KCNN2: variants seen among roughly 807,000 people sequenced by gnomAD.
KCNN2 encodes the protein small conductance calcium-activated potassium channel protein 2.
A neutral mutation model predicts 55.5 loss-of-function variants in KCNN2; 24 were observed. The observed-to-expected ratio is 0.43, with a 90% CI of 0.31 to 0.61. KCNN2 has a LOEUF of 0.61. Ranked by LOEUF, KCNN2 falls within the 20% of genes least tolerant of loss-of-function variation. The probability of loss-of-function intolerance (pLI) is 0.08; values close to 1 mark genes in which losing one functional copy is unlikely to be tolerated. For missense variants in KCNN2, 754 were observed against 853.6 expected (o/e 0.88, Z 1.45); for synonymous variants, 431 against 336.1 (o/e 1.28, Z -3.09).
At chr5:114,123,630 TGGG>T (rs1751871401) in intron 1 of KCNN2, among the ~76,000 whole-genome samples, 2 of 149,534 alleles carry the variant, frequency 1.3e-5, no homozygotes, top group African/African-American at 2.5e-5. Flanking sequence ...CCCAAAGTGC[TGGG>T]ATTACAGGCG....
intron 2 of KCNN2, among the ~76,000 whole-genome samples, chr5:114,333,209 G>A (rs1321513719): frequency 2.0e-5 from 3 of 152,274 alleles, no homozygotes; most frequent in South Asian, 2.1e-4. Context: ...GATAAAACAC[G>A]GGAGCCGGGA....
chr5:114,434,562 A>G (rs1385399466), intron 3 of KCNN2, among the ~76,000 whole-genome samples: 1 of 152,206 alleles, frequency 6.6e-6, no homozygotes, highest in Non-Finnish European at 1.5e-5. Context: ...TACTGGGTAA[A>G]AGGAGCTGGG....
rs143276885 is a variant in KCNN2, at chr5:114,136,262, A to G, written c.-271+79762A>G. The stretch of plus-strand genomic sequence containing the variant: ...CTATTATCATGGGAGTGGGGTTGCT[A>G]TATCTTGAGAGTGGGTGGTTAGAAC... On this transcript the variant is annotated intron_variant, in intron 1 of 10. Coordinates refer to the KCNN2 transcript ENST00000512097. Among the ~76,000 whole-genome samples, 14 of 152,254 alleles carry G rather than the reference A, an allele frequency of 9.2e-5. No homozygotes were observed. In the East Asian group the frequency reaches 2.1e-3, roughly 23 times the overall value.
chr5:114,153,883 G>T (rs866615660), intron 1 of KCNN2, among the ~76,000 whole-genome samples: 1 of 152,158 alleles, frequency 6.6e-6, no homozygotes, highest in African/African-American at 2.4e-5. Flanking sequence ...TCCCTTGGAG[G>T]TTTAGTTGGT....
intron 1 of KCNN2, among the ~76,000 whole-genome samples, chr5:114,168,139 A>T (rs1752956129): frequency 6.8e-6 from 1 of 146,586 alleles, no homozygotes; most frequent in South Asian, 2.2e-4. Context: ...ATATGTGTGT[A>T]TATAGATATA....
intron 1 of KCNN2, among the ~76,000 whole-genome samples, chr5:114,206,300 T>G (rs1753766319): frequency 1.3e-5 from 2 of 152,168 alleles, no homozygotes; most frequent in South Asian, 4.1e-4. Flanking sequence ...CTTAAACATT[T>G]CCTTCTTCTT....
chr5:114,479,597 G>T (rs1762133098), intron 5 of KCNN2, among the ~76,000 whole-genome samples: 1 of 151,892 alleles, frequency 6.6e-6, no homozygotes, highest in South Asian at 2.1e-4. Context: ...TCGCTATGTG[G>T]CACTTAATGT....
At chr5:114,443,734 T>G (rs974948160) in intron 3 of KCNN2, among the ~76,000 whole-genome samples, 1 of 152,186 alleles carries the variant, frequency 6.6e-6, no homozygotes. Flanking sequence ...GCACGTGAAA[T>G]AGATGCACGG....
intron 2 of KCNN2, among the ~76,000 whole-genome samples, chr5:114,314,010 T>C (rs1219233827): frequency 6.6e-6 from 1 of 152,150 alleles, no homozygotes; most frequent in East Asian, 1.9e-4. Context: ...TTTTTCGGTT[T>C]GATCAACAGC....
rs374634316 is a variant in KCNN2 at position 114,254,932 on chromosome 5, T to A, written c.-185+33367T>A. 2.1e-3 allele frequency among the ~76,000 whole-genome samples: 314 copies of A among 152,108 alleles called. 3 individuals carry two copies. The highest frequency in any genetic ancestry group is 7.3e-3 in the African/African-American group (305 of 41,510). On this transcript the variant is annotated intron_variant, in intron 2 of 10. Transcript: ENST00000512097. The stretch of plus-strand genomic sequence containing the variant: ...AGGCTTGTATTTACCAAAAAAACAA[T>A]CTTAAGTAATCTGATTAATTTATAA...
chr5:114,397,252 C>T (rs1267120906), intron 2 of KCNN2, among the ~76,000 whole-genome samples: 1 of 152,122 alleles, frequency 6.6e-6, no homozygotes, highest in East Asian at 1.9e-4. Flanking sequence ...AATGGGATTG[C>T]TGGGTCTACT....
At chr5:114,238,806 G>A (rs894032175) in intron 2 of KCNN2, among the ~76,000 whole-genome samples, 3 of 152,068 alleles carry the variant, frequency 2.0e-5, no homozygotes, top group Admixed American at 6.5e-5. Context: ...AGATCAAAAT[G>A]CAAAGGCCCT....
chr5:114,466,444 G>C (rs115818313), intron 4 of KCNN2, among the ~76,000 whole-genome samples: 1 of 149,272 alleles, frequency 6.7e-6, no homozygotes, highest in Non-Finnish European at 1.5e-5. Context: ...GTTTTACTTA[G>C]CATTTACAAA....
intron 2 of KCNN2, among the ~76,000 whole-genome samples, chr5:114,289,624 G>C (rs907059690): frequency 6.6e-6 from 1 of 152,028 alleles, no homozygotes; most frequent in South Asian, 2.1e-4. Context: ...TGATCTGCCC[G>C]CCTTGGCCTT....
intron 1 of KCNN2, among the ~76,000 whole-genome samples, chr5:114,198,062 C>T (rs1398901686): frequency 6.6e-6 from 1 of 151,940 alleles, no homozygotes; most frequent in Non-Finnish European, 1.5e-5. Context: ...AGTCCTGCTC[C>T]TCCCCCCACT....
chr5:114,408,230 T>A (rs1759003406), intron 3 of KCNN2, among the ~76,000 whole-genome samples: 1 of 151,712 alleles, frequency 6.6e-6, no homozygotes, highest in Admixed American at 6.6e-5. Context: ...TACTCTTCTG[T>A]CATTCATTCT....
intron 3 of KCNN2, among the ~76,000 whole-genome samples, chr5:114,434,646 A>G (rs1480752191): frequency 1.3e-5 from 2 of 152,204 alleles, no homozygotes; most frequent in African/African-American, 4.8e-5. Flanking sequence ...AGCTGTGAGA[A>G]GAAAGGAGCC....
chr5:114,162,652 A>T (rs1226560464), intron 1 of KCNN2, among the ~76,000 whole-genome samples: 5 of 152,128 alleles, frequency 3.3e-5, no homozygotes, highest in Admixed American at 6.5e-5. Flanking sequence ...GGCTCCACCC[A>T]GTTTGAGCTT....
chr5:114,408,971 G>T (rs2150073512), intron 3 of KCNN2, among the ~76,000 whole-genome samples: 1 of 152,308 alleles, frequency 6.6e-6, no homozygotes, highest in East Asian at 1.9e-4. Context: ...TAGCAAGAAT[G>T]AGAGTGTGTA....
Sources: allele counts gnomAD v4.1 joint callset (sites outside exome capture counted in the v4.1 genomes callset), GRCh38; gene constraint gnomAD v4.1.1; transcripts MANE v1.5; gene names NCBI Gene and HGNC (gene_info 2026-07-23, HGNC 2026-07-21).